Variants in THSD4 observed in about 807,000 individuals in gnomAD.
The protein encoded by THSD4 is thrombospondin type-1 domain-containing protein 4.
THSD4 carries 69 observed loss-of-function variants against 119.0 expected under a neutral mutation model. The observed-to-expected ratio is 0.58, with a 90% CI of 0.48 to 0.71. THSD4 has a LOEUF of 0.71. Among genes scored for constraint, THSD4 ranks in the 30% least tolerant of loss-of-function variants. The pLI, the probability that THSD4 is intolerant of heterozygous loss-of-function variation, is 0.00. For missense variants in THSD4, 1,393 were observed against 1,391.1 expected, an observed-to-expected ratio of 1.00 and a Z score of -0.02; for synonymous variants, 524 against 540.4, an observed-to-expected ratio of 0.97 and a Z score of 0.42.
At chr15:71,726,198 G>A (rs2052833814) in intron 8 of THSD4, among the ~76,000 whole-genome samples, 1 of 152,168 alleles carries the variant, frequency 6.6e-6, no homozygotes, top group Non-Finnish European at 1.5e-5. Flanking sequence ...TTGTAATTCA[G>A]TAGTGAAAGG....
Position 71,115,553 on chromosome 15 carries a change from G to A in THSD4, c.-225G>A, listed in dbSNP as rs984497473. 6.6e-6 allele frequency: 1 copy of A among 150,730 alleles called. No individual in the cohort carries two copies. Among genetic ancestry groups the A allele is most frequent in the African/African-American group, 2.4e-5 (1 of 41,230 alleles). 9.3% of individuals were successfully genotyped at this position (150,730 alleles called of 1,614,324 possible). A position where few individuals can be genotyped will look rare whatever the true frequency, so the allele number is the denominator to read the frequency against. On this transcript the variant is annotated 5_prime_UTR_variant, in exon 1 of 18. Transcript: ENST00000261862. The surrounding 1 kb of genome is among the most constrained non-coding windows in gnomAD (Gnocchi z 4.4). Reference sequence around the variant, plus strand: ...CCGACGCGGAATCGGGGCACAGCGGGAGCCCGTGCAGGGCGGGCGCGGGGC... The same window carrying A: ...CCGACGCGGAATCGGGGCACAGCGGAAGCCCGTGCAGGGCGGGCGCGGGGC...
chr15:71,542,333 G>A (rs545141588), intron 7 of THSD4, among the ~76,000 whole-genome samples: 29 of 152,260 alleles, frequency 1.9e-4, no homozygotes, highest in Admixed American at 5.9e-4. Flanking sequence ...CCAGGAAGGA[G>A]ATCTTAATTC....
Position 71,682,916 on chromosome 15 carries a change from TC to T in THSD4, c.1357+22183del, listed in dbSNP as rs55867038. 1.2e-3 allele frequency among the ~76,000 whole-genome samples: 124 copies of T among 104,208 alleles called. 5 individuals are homozygous for T. The highest frequency in any genetic ancestry group is 4.7e-3 in the African/African-American group (112 of 23,730). The allele number at this position is 104,208 out of a possible 152,430, so 68.4% of individuals were successfully genotyped here. ...TCTTTCTTTCTTTCTTTCTTCTTCT[TC>T]TTCTTTTTTTTTTTTTTTTTTTGAG... On this transcript the variant is annotated intron_variant, in intron 8 of 17. Transcript: ENST00000261862.
At chr15:71,156,033 A>G (rs1283275384) in intron 3 of THSD4, among the ~76,000 whole-genome samples, 1 of 152,124 alleles carries the variant, frequency 6.6e-6, no homozygotes, top group Non-Finnish European at 1.5e-5. Context: ...ACCATCCACC[A>G]TTGCCTGAAC....
In THSD4 at chr15:71,419,090, T is replaced by C. The variant is rs373071971; in HGVS notation, c.1152+7267T>C. Reference sequence around the variant, plus strand: ...CTTAGTCTGGGTAAAGGTTTGTCCATTTTATCTTTTCAAAAACCAACTTAT... The same window carrying C: ...CTTAGTCTGGGTAAAGGTTTGTCCACTTTATCTTTTCAAAAACCAACTTAT... On this transcript the variant is annotated intron_variant, in intron 7 of 17. Transcript: ENST00000261862. Among the ~76,000 whole-genome samples, 27 of 108,934 alleles carry C rather than the reference T, an allele frequency of 2.5e-4. 8 individuals carry two copies. Among genetic ancestry groups the C allele is most frequent in the African/African-American group, 8.4e-4 (27 of 32,158 alleles). 71.5% of individuals were successfully genotyped at this position (108,934 alleles called of 152,430 possible). A position where few individuals can be genotyped will look rare whatever the true frequency, so the allele number is the denominator to read the frequency against.
intron 1 of THSD4, chr15:71,110,156 G>A (rs1002923384): frequency 6.6e-6 from 1 of 152,166 alleles, no homozygotes; most frequent in Non-Finnish European, 1.5e-5. Context: ...CTGGTCACAA[G>A]GGGTACCAGG....
intron 8 of THSD4, among the ~76,000 whole-genome samples, chr15:71,687,280 T>C (rs940232471): frequency 1.3e-5 from 2 of 152,204 alleles, no homozygotes; most frequent in African/African-American, 4.8e-5. Context: ...GTTTTAAATT[T>C]TATTCTATAT....
At chr15:71,427,674 T>C (rs2046891265) in intron 7 of THSD4, among the ~76,000 whole-genome samples, 2 of 150,558 alleles carry the variant, frequency 1.3e-5, no homozygotes, top group South Asian at 4.3e-4. Context: ...CTCTCTGCCC[T>C]GAGTTAATCT....
At chr15:71,221,101 TGCC>T (rs1445286649) in intron 4 of THSD4, among the ~76,000 whole-genome samples, 1 of 152,084 alleles carries the variant, frequency 6.6e-6, no homozygotes, top group Non-Finnish European at 1.5e-5. Flanking sequence ...CTGCAAAGCA[TGCC>T]GCATTGTAGC....
At chr15:71,154,769 C>G (rs574331900) in intron 2 of THSD4, 94 bp from the exon 3 acceptor site, 101 of 1,279,250 alleles carry the variant, frequency 7.9e-5, no homozygotes, top group Non-Finnish European at 9.5e-5. Flanking sequence ...CTGTTCCCCC[C>G]CCATCCACTG....
At chr15:71,211,654 A>C (rs963755390) in intron 3 of THSD4, among the ~76,000 whole-genome samples, 1 of 152,070 alleles carries the variant, frequency 6.6e-6, no homozygotes, top group Non-Finnish European at 1.5e-5. Context: ...TCAGTCCACA[A>C]CACCTGTGAA....
At chr15:71,230,815 ATC>A (rs1321445125) in intron 4 of THSD4, among the ~76,000 whole-genome samples, 1 of 152,224 alleles carries the variant, frequency 6.6e-6, no homozygotes, top group East Asian at 1.9e-4. Flanking sequence ...AGCTGGAAGC[ATC>A]TCTCTTTTAA....
chr15:71,530,735 T>G (rs1206539371), intron 7 of THSD4, among the ~76,000 whole-genome samples: 1 of 151,752 alleles, frequency 6.6e-6, no homozygotes, highest in African/African-American at 2.4e-5. Context: ...GTCAGTGGAG[T>G]GTTTGCTCTC....
At chr15:71,472,695 G>C (rs1397163366) in intron 7 of THSD4, among the ~76,000 whole-genome samples, 1 of 152,178 alleles carries the variant, frequency 6.6e-6, no homozygotes, top group Non-Finnish European at 1.5e-5. Context: ...TGGAAGTCCT[G>C]CTCGCTGACC....
rs549847233 is a variant in THSD4, at chr15:71,614,801, G to A, written c.1153-45729G>A. Among the ~76,000 whole-genome samples the A allele has an allele frequency of 6.6e-5, 10 of 152,278 alleles. No individual in the cohort carries two copies. In the South Asian group the frequency reaches 1.2e-3, roughly 19 times the overall value. On this transcript the variant is annotated intron_variant, in intron 7 of 17. Coordinates refer to ENST00000261862, the MANE Select transcript of THSD4 (RefSeq NM_024817.3). The stretch of plus-strand genomic sequence containing the variant: ...GCAGCAACGGAATACAAGGAAACTA[G>A]GGGATGATTACTTCCTTCTTTTGAA...
At chr15:71,182,266 T>G (rs1173075025) in intron 3 of THSD4, among the ~76,000 whole-genome samples, 1 of 151,828 alleles carries the variant, frequency 6.6e-6, no homozygotes, top group Non-Finnish European at 1.5e-5. Context: ...TATAAATTCC[T>G]TCCTTTGGAC....
At chr15:71,776,130 G>A (rs982183137) in intron 17 of THSD4, among the ~76,000 whole-genome samples, 1 of 152,200 alleles carries the variant, frequency 6.6e-6, no homozygotes, top group African/African-American at 2.4e-5. Flanking sequence ...TTTTAGAAGA[G>A]AACAGGGAAA....
chr15:71,581,728 T>C (rs942171084), intron 7 of THSD4, among the ~76,000 whole-genome samples: 2 of 152,218 alleles, frequency 1.3e-5, no homozygotes, highest in African/African-American at 2.4e-5. Context: ...TCCACTCTTC[T>C]GCATGTGGAC....
chr15:71,388,741 G>A (rs1171498130), intron 6 of THSD4, among the ~76,000 whole-genome samples: 2 of 151,540 alleles, frequency 1.3e-5, no homozygotes, highest in South Asian at 2.1e-4. Context: ...GGCATATTGA[G>A]TCCTTTTTTA....
Sources: gnomAD v4.1 joint callset for allele counts (sites outside exome capture counted in the v4.1 genomes callset) on GRCh38, gnomAD v4.1.1 for gene constraint, Gnocchi (gnomAD v3.1) non-coding constraint, MANE v1.5 for transcripts, NCBI Gene and HGNC (gene_info 2026-07-23, HGNC 2026-07-21) for gene names.